ELFN2: variants seen among roughly 807,000 people sequenced by gnomAD.
ELFN2 encodes extracellular leucine rich repeat and fibronectin type III domain containing 2.
ELFN2 carries 17 observed loss-of-function variants against 45.5 expected under a neutral mutation model. The observed-to-expected ratio is 0.37, with a 90% CI of 0.26 to 0.56. ELFN2 has a LOEUF of 0.56. ELFN2 is among the 20% of genes least tolerant of loss of function. ELFN2 has a pLI of 0.77. For synonymous variants in ELFN2, 550 were observed against 551.5 expected (o/e 1.00, Z 0.04); for missense variants, 922 against 1,183.2 (o/e 0.78, Z 3.24).
chr22:37,404,953 C>T (rs945037272), intron 2 of ELFN2, among the ~76,000 whole-genome samples: 17 of 152,212 alleles, frequency 1.1e-4, no homozygotes, highest in South Asian at 6.2e-4. Flanking sequence ...AGCTGAGCCC[C>T]AGAGACACAG....
At chr22:37,422,298 C>T (rs1932814371) in intron 1 of ELFN2, among the ~76,000 whole-genome samples, 1 of 152,048 alleles carries the variant, frequency 6.6e-6, no homozygotes. Flanking sequence ...TCTCGCATGC[C>T]AGACAGGATG....
chr22:37,344,011 CT>C (rs1420881218), intron 1 of ELFN2, among the ~76,000 whole-genome samples: 258 of 149,302 alleles, frequency 1.7e-3, no homozygotes, highest in African/African-American at 6.2e-3. Context: ...CCATGCCCCC[CT>C]GCCTATGCCC....
chr22:37,426,484 A>C (rs1374331451), intron 1 of ELFN2, among the ~76,000 whole-genome samples: 1 of 151,820 alleles, frequency 6.6e-6, no homozygotes, highest in East Asian at 1.9e-4. Context: ...CCCCATGTCC[A>C]CACACACACG....
intron 2 of ELFN2, among the ~76,000 whole-genome samples, chr22:37,394,120 C>G (rs1244022233): frequency 6.6e-6 from 1 of 152,156 alleles, no homozygotes; most frequent in African/African-American, 2.4e-5. Flanking sequence ...ACTGTGGGCC[C>G]CTTACTGAAA....
chr22:37,415,895 G>A lies in ELFN2; in HGVS notation c.-463+1874C>T, dbSNP rs138833386. On this transcript the variant is annotated intron_variant, in intron 2 of 2. Coordinates refer to ENST00000402918, the MANE Select transcript of ELFN2 (RefSeq NM_052906.5). ...GGAGAATCGCTTGAACCCGGGAGAC[G>A]GAGGTTGCAGTGAGCAGAGATAGTG... 4.6e-5 allele frequency among the ~76,000 whole-genome samples: 7 copies of A among 152,328 alleles called. No homozygotes were observed. The East Asian group carries it at 9.7e-4, about 21-fold the overall frequency.
intron 2 of ELFN2, among the ~76,000 whole-genome samples, chr22:37,388,985 G>C (rs963366694): frequency 1.3e-5 from 2 of 152,344 alleles, no homozygotes; most frequent in African/African-American, 4.8e-5. Flanking sequence ...AACTCTTTCA[G>C]GGGGAGGTAG....
rs1053542856 is a variant in ELFN2, at chr22:37,372,978, C to A, written c.*94G>T. 3 of 1,424,230 alleles carry A rather than the reference C, an allele frequency of 2.1e-6. No homozygotes were observed. Among genetic ancestry groups the A allele is most frequent in the Non-Finnish European group, 2.8e-6 (3 of 1,073,556 alleles). 88.2% of individuals were successfully genotyped at this position (1,424,230 alleles called of 1,614,324 possible). A position where few individuals can be genotyped will look rare whatever the true frequency, so the allele number is the denominator to read the frequency against. The stretch of plus-strand genomic sequence containing the variant: ...TGTGCGTCCTCTCCTGGGCCTTGGC[C>A]CCCGAGTCTGCTCCCCGCCCTGGCC... On this transcript the variant is annotated 3_prime_UTR_variant, in exon 3 of 3. Coordinates refer to ENST00000402918, the MANE Select transcript of ELFN2 (RefSeq NM_052906.5). This position sits in a 1 kb window ranked among gnomAD's most constrained non-coding sequence, Gnocchi z 4.4.
At chr22:37,410,267 TC>T (rs1418706557) in intron 2 of ELFN2, among the ~76,000 whole-genome samples, 9 of 152,200 alleles carry the variant, frequency 5.9e-5, no homozygotes, top group African/African-American at 2.2e-4. Flanking sequence ...CCTAGGGTGA[TC>T]CTGCTCAGAG....
chr22:37,415,831 A>G (rs1460252480), intron 2 of ELFN2, among the ~76,000 whole-genome samples: 6 of 152,180 alleles, frequency 3.9e-5, no homozygotes, highest in Admixed American at 3.9e-4. Flanking sequence ...GCGTGGTGGC[A>G]CGCGCCTATA....
At chr22:37,364,674 G>A (rs74764396), downstream of ELFN2, among the ~76,000 whole-genome samples, 3,410 of 152,302 alleles carry the variant, frequency 0.022, 135 homozygotes, top group African/African-American at 0.076. Flanking sequence ...AATAGCTTAG[G>A]ACAAGGGAGT....
chr22:37,350,023 C>G (rs1016830121), intron 1 of ELFN2, among the ~76,000 whole-genome samples: 2 of 150,828 alleles, frequency 1.3e-5, no homozygotes, highest in Non-Finnish European at 3.0e-5. Context: ...GCACCTGGTC[C>G]TGGCGGGCAG....
chr22:37,415,179 C>A (rs1458817040), intron 2 of ELFN2, among the ~76,000 whole-genome samples: 8 of 141,282 alleles, frequency 5.7e-5, no homozygotes, highest in Non-Finnish European at 1.5e-5. Flanking sequence ...TTGGCCATCA[C>A]TCTCAGTCCT....
chr22:37,388,777 G>C lies in ELFN2; in HGVS notation c.-462-12781C>G, dbSNP rs919131661. Among the ~76,000 whole-genome samples the C allele has an allele frequency of 3.9e-5, 6 of 152,300 alleles. No individual in the cohort carries two copies. In the East Asian group the frequency reaches 1.2e-3, roughly 29 times the overall value. Reference sequence around the variant, plus strand: ...CCTCAGTCTTCTCATCTGTAAAGTGGGAAGGAGCCCCGCCTCACTCTCTAT... The same window carrying C: ...CCTCAGTCTTCTCATCTGTAAAGTGCGAAGGAGCCCCGCCTCACTCTCTAT... On this transcript the variant is annotated intron_variant, in intron 2 of 2. Transcript: ENST00000402918.
rs537641462 is a variant in ELFN2, at chr22:37,407,552, C to T, written c.-463+10217G>A. ...AGAGAGTCCACCCATAGGATGTGGA[C>T]AAGCGATGGGGCCACCACAGGTAGG... On this transcript the variant is annotated intron_variant, in intron 2 of 2. Coordinates refer to ENST00000402918, the MANE Select transcript of ELFN2 (RefSeq NM_052906.5). Among the ~76,000 whole-genome samples, 5 of 152,284 alleles carry T rather than the reference C, an allele frequency of 3.3e-5. No homozygotes were observed. The South Asian group carries it at 1.0e-3, about 32-fold the overall frequency.
chr22:37,344,713 TGGCTGACCTCTGCGGTCCTCGAA>T (rs1395680447), intron 1 of ELFN2, among the ~76,000 whole-genome samples: 1 of 152,158 alleles, frequency 6.6e-6, no homozygotes, highest in Non-Finnish European at 1.5e-5. Flanking sequence ...ATCCCCAGCA[TGGCTGACCTCTGCGGTCCTCGAA>T]GGCTGACCTC....
chr22:37,373,725 G>A lies in ELFN2; in HGVS notation c.1810C>T (p.Pro604Ser). The A allele has an allele frequency of 3.9e-6, 6 of 1,555,106 alleles. No individual in the cohort carries two copies. Among genetic ancestry groups the A allele is most frequent in the Non-Finnish European group, 5.2e-6 (6 of 1,158,090 alleles). ...TGGTGGGAGCTCTCCTTGTAGGGAG[G>A]CGAAAGGAAGCTGGGCCGCTCCAGG... ...GALERPSFLS[P>S]PYKESSHHPL... Residue 604 changes from proline to serine, a missense_variant, in exon 3 of 3, where the codon CCT becomes TCT. Pro to Ser is a moderately conservative substitution (Grantham distance 74). This residue lies in a region of ELFN2 where 564 missense variants were observed against 642.8 expected (regional missense o/e 0.88). Coordinates refer to ENST00000402918, the MANE Select transcript of ELFN2 (RefSeq NM_052906.5).
At chr22:37,395,851 T>C (rs566727114) in intron 2 of ELFN2, among the ~76,000 whole-genome samples, 59 of 152,232 alleles carry the variant, frequency 3.9e-4, no homozygotes, top group African/African-American at 1.4e-3. Context: ...GAGCCACCTG[T>C]TCAGGGCTCA....
intron 1 of ELFN2, among the ~76,000 whole-genome samples, chr22:37,423,523 G>C (rs1189224601): frequency 6.6e-6 from 1 of 152,154 alleles, no homozygotes; most frequent in Non-Finnish European, 1.5e-5. Context: ...GCCCTGGACT[G>C]GTCTGTAACC....
intron 1 of ELFN2, among the ~76,000 whole-genome samples, chr22:37,358,529 C>T (rs1054067085): frequency 6.6e-6 from 1 of 152,180 alleles, no homozygotes; most frequent in African/African-American, 2.4e-5. Flanking sequence ...ATCTGCATCC[C>T]GATTAGATAC....
Sources: allele counts gnomAD v4.1 joint callset (sites outside exome capture counted in the v4.1 genomes callset), GRCh38; gene constraint gnomAD v4.1.1; regional missense constraint gnomAD v4.1.1; non-coding constraint Gnocchi (gnomAD v3.1); transcripts MANE v1.5; gene names NCBI Gene and HGNC (gene_info 2026-07-23, HGNC 2026-07-21).